The following GLI3 variants were observed in gnomAD, a reference collection of about 807,000 sequenced individuals.
GLI3 encodes the protein transcription activator GLI3.
In GLI3, 20 loss-of-function variants were observed where a neutral mutation model predicts 100.8. The ratio of observed to expected loss-of-function variants is 0.20; its 90% confidence interval spans 0.14 to 0.29. The LOEUF (loss-of-function observed/expected upper bound fraction) is 0.29, where lower values mean the gene tolerates loss of function less well. Ranked by LOEUF, GLI3 falls within the 10% of genes least tolerant of loss-of-function variation. The pLI, the probability that GLI3 is intolerant of heterozygous loss-of-function variation, is 1.00. For synonymous variants in GLI3, 938 were observed against 860.5 expected (o/e 1.09, Z -1.58); for missense variants, 2,040 against 2,128.5 (o/e 0.96, Z 0.82).
rs182275032 is a variant in GLI3, at chr7:42,185,270, T to C, written c.125-36802A>G. Among the ~76,000 whole-genome samples, 6 of 152,286 alleles carry C rather than the reference T, an allele frequency of 3.9e-5. No homozygotes were observed. The East Asian group carries it at 1.2e-3, about 29-fold the overall frequency. On this transcript the variant is annotated intron_variant, in intron 2 of 14. Transcript: ENST00000395925. ...AATCCACACATATTCAAATCCACTGTAATTTAGCCATGTGTTTTCTCCCAA... is the reference window on the plus strand; with the variant it reads ...AATCCACACATATTCAAATCCACTGCAATTTAGCCATGTGTTTTCTCCCAA...
At chr7:41,968,755 A>G (rs200663604) in intron 13 of GLI3, among the ~76,000 whole-genome samples, 10,619 of 95,980 alleles carry the variant, frequency 0.11, 655 homozygotes, top group Admixed American at 0.15. Flanking sequence ...AAAGAAAGAA[A>G]GAAAGAAGGA....
intron 2 of GLI3, among the ~76,000 whole-genome samples, chr7:42,200,034 C>T (rs546729259): frequency 6.6e-6 from 1 of 152,254 alleles, no homozygotes; most frequent in East Asian, 1.9e-4. Context: ...CCAGCCTGGA[C>T]AACAACAGCA....
chr7:42,113,415 G>A, intron 3 of GLI3: 1 of 717,504 alleles, frequency 1.4e-6, no homozygotes, highest in East Asian at 2.7e-5. Flanking sequence ...AAGCCAAGGT[G>A]AAGGATGAAC....
intron 10 of GLI3, among the ~76,000 whole-genome samples, chr7:41,981,188 T>C (rs1787656538): frequency 6.6e-6 from 1 of 152,212 alleles, no homozygotes; most frequent in African/African-American, 2.4e-5. Context: ...GGGCCACGCA[T>C]GGCAGGAGAG....
At chr7:42,110,111 G>A (rs1785670506) in intron 3 of GLI3, among the ~76,000 whole-genome samples, 1 of 152,172 alleles carries the variant, frequency 6.6e-6, no homozygotes, top group African/African-American at 2.4e-5. Context: ...AAAAAATGGG[G>A]TAGTAAGTGG....
At chr7:42,050,102 A>G (rs1256166314) in intron 4 of GLI3, among the ~76,000 whole-genome samples, 1 of 152,200 alleles carries the variant, frequency 6.6e-6, no homozygotes. Flanking sequence ...CTCAGTAGAA[A>G]ATGAAAGAAG....
At chr7:42,238,006 T>TCCG (rs1337497656), upstream of GLI3, 1 of 121,148 alleles carries the variant, frequency 8.3e-6, no homozygotes, top group African/African-American at 4.0e-5. Context: ...CGCCGCCGCC[T>TCCG]CCTCCTCCTC....
At chr7:41,993,027 A>C (rs1788033312) in intron 10 of GLI3, among the ~76,000 whole-genome samples, 1 of 152,218 alleles carries the variant, frequency 6.6e-6, no homozygotes, top group South Asian at 2.1e-4. Context: ...TGCAAAATTC[A>C]GTTCTGTGCA....
chr7:42,115,512 T>G (rs780643615), intron 3 of GLI3, among the ~76,000 whole-genome samples: 5 of 152,178 alleles, frequency 3.3e-5, no homozygotes, highest in Non-Finnish European at 7.3e-5. Context: ...ATATAATTCA[T>G]CTCTTCTTTT....
intron 2 of GLI3, among the ~76,000 whole-genome samples, chr7:42,197,503 G>A (rs1213806874): frequency 2.6e-5 from 4 of 152,214 alleles, no homozygotes; most frequent in African/African-American, 9.7e-5. Flanking sequence ...AGGGGGAGTT[G>A]ACCACTGGAT....
intron 2 of GLI3, among the ~76,000 whole-genome samples, chr7:42,163,400 C>T (rs145075875): frequency 5.3e-5 from 8 of 151,880 alleles, no homozygotes; most frequent in African/African-American, 1.7e-4. Flanking sequence ...TCAACGCTGC[C>T]TCTATCTAAT....
chr7:42,103,715 G>A (rs1290863612), intron 3 of GLI3, among the ~76,000 whole-genome samples: 2 of 148,156 alleles, frequency 1.3e-5, no homozygotes, highest in Admixed American at 6.9e-5. Flanking sequence ...CGAACACTGA[G>A]GCATAAAGAC....
In GLI3 at chr7:42,223,265, A is replaced by G; in HGVS notation, c.-12T>C. ...GACTGGGCCTCCATGATGTCTTCTC[A>G]TTACTTCAGCTCTCTTCGACCAAAA... On this transcript the variant is annotated 5_prime_UTR_variant, in exon 2 of 15. The change abolishes an upstream ATG in the 5' untranslated region. Transcript: ENST00000395925. The G allele has an allele frequency of 6.2e-7, 1 of 1,612,182 alleles. No homozygotes were observed. Among genetic ancestry groups the G allele is most frequent in the Non-Finnish European group, 8.5e-7 (1 of 1,178,998 alleles).
At chr7:42,240,239 A>G (rs1204226314), upstream of GLI3, among the ~76,000 whole-genome samples, 1 of 152,226 alleles carries the variant, frequency 6.6e-6, no homozygotes, top group Non-Finnish European at 1.5e-5. Context: ...TCAAATGCAG[A>G]TATCTTAAGA....
intron 10 of GLI3, 51 bp downstream of exon 10, chr7:42,023,417 G>T (rs1479027424): frequency 6.2e-7 from 1 of 1,601,232 alleles, no homozygotes; most frequent in South Asian, 1.1e-5. Flanking sequence ...TGACCTCCCT[G>T]GAAAGTGTCA....
intron 1 of GLI3, among the ~76,000 whole-genome samples, chr7:42,245,361 C>G (rs749809105): frequency 6.6e-6 from 1 of 152,144 alleles, no homozygotes; most frequent in Non-Finnish European, 1.5e-5. Context: ...CAAAACCATT[C>G]CTAGCTGCAG....
intron 2 of GLI3, among the ~76,000 whole-genome samples, chr7:42,155,824 A>AT (rs913843469): frequency 6.6e-5 from 10 of 151,992 alleles, no homozygotes; most frequent in South Asian, 4.2e-4. Context: ...TGCCTCCTGT[A>AT]TTTTTTTTTT....
intron 3 of GLI3, among the ~76,000 whole-genome samples, chr7:42,112,746 G>T (rs1444555275): frequency 6.6e-6 from 1 of 152,182 alleles, no homozygotes; most frequent in Non-Finnish European, 1.5e-5. Context: ...CTAGAAACGT[G>T]TTCTCCCTAT....
chr7:41,986,233 C>T (rs571502879), intron 10 of GLI3, among the ~76,000 whole-genome samples: 116 of 152,248 alleles, frequency 7.6e-4, no homozygotes, highest in African/African-American at 2.6e-3. Context: ...TGGACTTCTT[C>T]CTGGCTGTTA....
Sources: allele counts gnomAD v4.1 joint callset (sites outside exome capture counted in the v4.1 genomes callset), GRCh38; gene constraint gnomAD v4.1.1; transcripts MANE v1.5; gene names NCBI Gene and HGNC (gene_info 2026-07-23, HGNC 2026-07-21).